ABI3BP: variants seen among roughly 807,000 people sequenced by gnomAD.
ABI3BP encodes the protein ABI family member 3 binding protein, also known as target of Nesh-SH3.
ABI3BP carries 216 observed loss-of-function variants against 268.6 expected under a neutral mutation model. The observed-to-expected ratio is 0.80, with a 90% CI of 0.72 to 0.90. The LOEUF (loss-of-function observed/expected upper bound fraction) is 0.90, where lower values mean the gene tolerates loss of function less well. Among genes scored for constraint, ABI3BP ranks in the 40% least tolerant of loss-of-function variants. ABI3BP has a pLI of 0.00. For missense variants in ABI3BP, 2,090 were observed against 2,182.4 expected, an observed-to-expected ratio of 0.96 and a Z score of 0.84; for synonymous variants, 730 against 730.0, an observed-to-expected ratio of 1.00 and a Z score of 0.00.
chr3:100,791,818 C>T (rs1255941370), intron 55 of ABI3BP, among the ~76,000 whole-genome samples: 1 of 151,782 alleles, frequency 6.6e-6, no homozygotes, highest in African/African-American at 2.4e-5. Flanking sequence ...AAATATTGCC[C>T]CAGTGACACA....
intron 2 of ABI3BP, among the ~76,000 whole-genome samples, chr3:100,920,245 C>T (rs549166253): frequency 6.6e-6 from 1 of 152,234 alleles, no homozygotes; most frequent in East Asian, 1.9e-4. Flanking sequence ...TAGGCACTAA[C>T]CTCTTAGAGC....
At chr3:100,938,477 A>G (rs904858216) in intron 1 of ABI3BP, among the ~76,000 whole-genome samples, 42 of 152,086 alleles carry the variant, frequency 2.8e-4, no homozygotes, top group African/African-American at 9.4e-4. Flanking sequence ...AGTTTCAGTA[A>G]TTTCCCTGTG....
At chr3:100,950,961 C>T (rs770129373) in intron 1 of ABI3BP, among the ~76,000 whole-genome samples, 9 of 151,790 alleles carry the variant, frequency 5.9e-5, no homozygotes, top group Admixed American at 2.0e-4. Flanking sequence ...GGATAGGATG[C>T]GCCCAAAACC....
Position 100,841,194 on chromosome 3 carries a change from C to CTTTTTTTTTTTTTTT in ABI3BP, c.1766-351_1766-337dup, listed in dbSNP as rs60261694. On this transcript the variant is annotated intron_variant, in intron 21 of 67. Coordinates refer to ENST00000471714, the MANE Select transcript of ABI3BP (RefSeq NM_001375547.2). ...AATTGGCTAAGATGGCATTAGAACA[C>CTTTTTTTTTTTTTTT]TTTTTTTTTTTTTTTTTTTTTTTTT... Among the ~76,000 whole-genome samples the CTTTTTTTTTTTTTTT allele has an allele frequency of 7.3e-4, 29 of 39,630 alleles. 3 individuals are homozygous for CTTTTTTTTTTTTTTT. Among genetic ancestry groups the CTTTTTTTTTTTTTTT allele is most frequent in the African/African-American group, 1.1e-3 (10 of 9,278 alleles). 26.0% of individuals were successfully genotyped at this position (39,630 alleles called of 152,430 possible). A position where few individuals can be genotyped will look rare whatever the true frequency, so the allele number is the denominator to read the frequency against.
intron 1 of ABI3BP, among the ~76,000 whole-genome samples, chr3:100,928,901 A>T (rs2153654642): frequency 6.6e-6 from 1 of 152,190 alleles, no homozygotes; most frequent in African/African-American, 2.4e-5. Context: ...TGGGGTGCCA[A>T]CTGCTAGTGT....
chr3:100,804,517 AT>A (rs1367742663), intron 51 of ABI3BP, among the ~76,000 whole-genome samples: 2 of 152,140 alleles, frequency 1.3e-5, no homozygotes, highest in African/African-American at 4.8e-5. Flanking sequence ...AATTGGCAGC[AT>A]TTTTTGTAAG....
intron 63 of ABI3BP, among the ~76,000 whole-genome samples, chr3:100,755,808 A>G (rs1199908784): frequency 6.6e-6 from 1 of 152,226 alleles, no homozygotes; most frequent in East Asian, 1.9e-4. Context: ...GTCAGCTAAT[A>G]ATATTTTGAG....
At chr3:100,766,042 T>A in intron 62 of ABI3BP, 93 bp from the exon 63 acceptor site, 1 of 875,012 alleles carries the variant, frequency 1.1e-6, no homozygotes. Context: ...GCCACTTACA[T>A]AAAGTAAGCA....
At chr3:100,833,721 AG>A (rs2098529804) in intron 29 of ABI3BP, among the ~76,000 whole-genome samples, 1 of 152,138 alleles carries the variant, frequency 6.6e-6, no homozygotes, top group Non-Finnish European at 1.5e-5. Flanking sequence ...AGGAGAGAAA[AG>A]GCCTGACCTC....
chr3:100,810,562 A>C, intron 48 of ABI3BP, 85 bp from the exon 49 acceptor site: 1 of 950,818 alleles, frequency 1.1e-6, no homozygotes. Context: ...GGTAACAAAT[A>C]GATTTTTTTA....
intron 54 of ABI3BP, among the ~76,000 whole-genome samples, chr3:100,793,643 T>G (rs552160612): frequency 6.6e-6 from 1 of 152,172 alleles, no homozygotes; most frequent in African/African-American, 2.4e-5. Flanking sequence ...AATATTTGAT[T>G]AGAATATATT....
chr3:100,875,836 T>A (rs1581521159), intron 7 of ABI3BP, among the ~76,000 whole-genome samples: 1 of 152,190 alleles, frequency 6.6e-6, no homozygotes, highest in Non-Finnish European at 1.5e-5. Context: ...ATTTTCTTCC[T>A]AACTCTATTC....
At chr3:100,917,421 C>A (rs2058945813) in intron 2 of ABI3BP, among the ~76,000 whole-genome samples, 1 of 151,956 alleles carries the variant, frequency 6.6e-6, no homozygotes, top group Admixed American at 6.6e-5. Flanking sequence ...GTTGATGTGA[C>A]CATGTTCCTT....
intron 16 of ABI3BP, 58 bp from the exon 17 acceptor site, chr3:100,850,177 A>G (rs574435242): frequency 1.3e-6 from 2 of 1,488,076 alleles, no homozygotes; most frequent in African/African-American, 2.8e-5. Context: ...AGGTATTTGA[A>G]GAATTTTAAC....
At chr3:100,842,880 G>T (rs2098722352) in intron 20 of ABI3BP, among the ~76,000 whole-genome samples, 1 of 152,144 alleles carries the variant, frequency 6.6e-6, no homozygotes. Flanking sequence ...AAAAAGTTAA[G>T]ATTCTTTGAC....
intron 63 of ABI3BP, among the ~76,000 whole-genome samples, chr3:100,764,939 G>A (rs773699675): frequency 2.0e-5 from 3 of 151,936 alleles, no homozygotes; most frequent in Admixed American, 6.6e-5. Context: ...TTGCAGTATC[G>A]GACTAGTTTA....
intron 1 of ABI3BP, among the ~76,000 whole-genome samples, chr3:100,940,280 T>C (rs2068356843): frequency 6.6e-6 from 1 of 152,080 alleles, no homozygotes; most frequent in South Asian, 2.1e-4. Flanking sequence ...CCACGAAATC[T>C]TCACAATTTA....
chr3:100,941,737 T>C (rs945498804), intron 1 of ABI3BP, among the ~76,000 whole-genome samples: 2 of 152,166 alleles, frequency 1.3e-5, no homozygotes, highest in Non-Finnish European at 2.9e-5. Context: ...GAGCAGTAAC[T>C]ACATTACTGA....
chr3:100,873,139 G>T (rs147634910), intron 9 of ABI3BP, among the ~76,000 whole-genome samples: 516 of 152,194 alleles, frequency 3.4e-3, no homozygotes, highest in African/African-American at 0.012. Flanking sequence ...TAACTGGATT[G>T]CCCCAGATCA....
Sources: gnomAD v4.1 joint callset for allele counts (sites outside exome capture counted in the v4.1 genomes callset) on GRCh38, gnomAD v4.1.1 for gene constraint, MANE v1.5 for transcripts, NCBI Gene and HGNC (gene_info 2026-07-23, HGNC 2026-07-21) for gene names.